DMBT1: variants seen among roughly 807,000 people sequenced by gnomAD.
The protein encoded by DMBT1 is deleted in malignant brain tumors 1, also known as scavenger receptor cysteine-rich domain-containing protein DMBT1.
In DMBT1, 198 loss-of-function variants were observed where a neutral mutation model predicts 252.9. The observed-to-expected ratio is 0.78, with a 90% CI of 0.70 to 0.88. The LOEUF is 0.88. Among genes scored for constraint, DMBT1 ranks in the 40% least tolerant of loss-of-function variants. The pLI, the probability that DMBT1 is intolerant of heterozygous loss-of-function variation, is 0.00. For synonymous variants in DMBT1, 990 were observed against 942.7 expected, an observed-to-expected ratio of 1.05 and a Z score of -0.92; for missense variants, 2,432 against 2,404.7, an observed-to-expected ratio of 1.01 and a Z score of -0.24.
rs111541582 is a variant in DMBT1 at position 122,561,569 on chromosome 10, C to CCTCTCTCTCT, written c.61+745_61+754dup. 3.3e-4 allele frequency among the ~76,000 whole-genome samples: 30 copies of CCTCTCTCTCT among 90,310 alleles called. 1 individual carries two copies. In the East Asian group the frequency reaches 3.6e-3, roughly 11 times the overall value. 59.2% of individuals were successfully genotyped at this position (90,310 alleles called of 152,430 possible). On this transcript the variant is annotated intron_variant, in intron 1 of 55. Coordinates refer to ENST00000338354, the MANE Select transcript of DMBT1 (RefSeq NM_001377530.1). ...TTGTCTCTCTCTTCCTGTCTCTCTG[C>CCTCTCTCTCT]CTCTCTCTCTCTCTCTTTCTCTCTT...
intron 18 of DMBT1, 138 bp downstream of exon 18, chr10:122,590,832 C>A: frequency 9.0e-7 from 1 of 1,113,750 alleles, no homozygotes; most frequent in Non-Finnish European, 1.3e-6. Flanking sequence ...TAACTGAGAC[C>A]CTAGCATGGA....
chr10:122,636,316 G>C (rs1226864309), intron 53 of DMBT1, 117 bp downstream of exon 53: 11 of 976,156 alleles, frequency 1.1e-5, no homozygotes, highest in Non-Finnish European at 1.7e-5. Context: ...GGTCACCAGG[G>C]CTTGATTTTC....
At chr10:122,618,399 T>A in intron 41 of DMBT1, 59 bp downstream of exon 41, 1 of 1,612,734 alleles carries the variant, frequency 6.2e-7, no homozygotes, top group South Asian at 1.1e-5. Context: ...AGGAAGAAAA[T>A]CCTAATTACA....
At chr10:122,618,936 G>A (rs765677674) in intron 41 of DMBT1, among the ~76,000 whole-genome samples, 8 of 152,242 alleles carry the variant, frequency 5.3e-5, no homozygotes, top group Non-Finnish European at 8.8e-5. Context: ...GTCTGGCCAG[G>A]CATGGCCTTG....
intron 20 of DMBT1, 111 bp downstream of exon 20, chr10:122,592,706 T>G: frequency 1.3e-6 from 2 of 1,513,200 alleles, no homozygotes; most frequent in Non-Finnish European, 1.8e-6. Flanking sequence ...GTTTCCTATA[T>G]TTATGTAGTC....
intron 6 of DMBT1, among the ~76,000 whole-genome samples, chr10:122,575,930 C>T (rs1342927459): frequency 6.6e-6 from 1 of 152,208 alleles, no homozygotes; most frequent in East Asian, 1.9e-4. Context: ...CTGACCCTAA[C>T]AATCCTGGCC....
At chr10:122,590,802 A>G in intron 18 of DMBT1, 108 bp downstream of exon 18, 1 of 1,371,664 alleles carries the variant, frequency 7.3e-7, no homozygotes, top group South Asian at 1.3e-5. Context: ...ACTGTGGGTC[A>G]TACTATTTTC....
Position 122,621,076 on chromosome 10 carries a change from T to C in DMBT1, c.5304T>C (p.Ala1768=), listed in dbSNP as rs142142713. 4.0e-4 allele frequency: 638 copies of C among 1,613,286 alleles called. 2 individuals carry two copies. In the African/African-American group the frequency reaches 6.7e-3, roughly 17 times the overall value. The part of the protein sequence containing the change: ...ALTVGSESSL[A]LRLVNGGDRC... ...CTGTAGGATCTGAATCCAGTTTGGCTCTGAGGCTGGTGAATGGAGGTGACA... is the reference window on the plus strand; with the variant it reads ...CTGTAGGATCTGAATCCAGTTTGGCCCTGAGGCTGGTGAATGGAGGTGACA... Residue 1768 remains alanine, a synonymous_variant, in exon 44 of 56, where the codon GCT becomes GCC. Coordinates refer to ENST00000338354, the MANE Select transcript of DMBT1 (RefSeq NM_001377530.1).
chr10:122,585,649 A>C (rs1399855560), intron 15 of DMBT1, among the ~76,000 whole-genome samples: 1 of 148,650 alleles, frequency 6.7e-6, no homozygotes, highest in African/African-American at 2.4e-5. Flanking sequence ...GAGTCAGTGA[A>C]AGTGAGTGTC....
Position 122,618,087 on chromosome 10 carries a change from A to G in DMBT1, c.4962A>G (p.Leu1654=), listed in dbSNP as rs1487026802. 2 of 1,613,866 alleles carry G rather than the reference A, an allele frequency of 1.2e-6. No homozygotes were observed. ...GGTGTCGAGGCCGAGTGGAGGTCCTATACCAAGGCTCCTGGGGCACCGTGT... is the reference window on the plus strand; with the variant it reads ...GGTGTCGAGGCCGAGTGGAGGTCCTGTACCAAGGCTCCTGGGGCACCGTGT... ...GDRCRGRVEV[L]YQGSWGTVCD... The change falls in exon 41 of 56, where the codon CTA becomes CTG. Residue 1654 remains leucine (L), a synonymous_variant. Coordinates refer to ENST00000338354, the MANE Select transcript of DMBT1 (RefSeq NM_001377530.1).
chr10:122,635,681 G>C (rs1169630996), intron 52 of DMBT1, among the ~76,000 whole-genome samples: 1 of 152,100 alleles, frequency 6.6e-6, no homozygotes, highest in Non-Finnish European at 1.5e-5. Context: ...CTCCTGAGTA[G>C]CCTCCCTCAC....
Position 122,570,976 on chromosome 10 carries a change from C to T in DMBT1, c.187+39C>T, listed in dbSNP as rs758452518. 1.0e-5 allele frequency: 16 copies of T among 1,595,288 alleles called. No homozygotes were observed. The East Asian group carries it at 1.6e-4, about 16-fold the overall frequency. ...TGGGGGATCCCTGTGGGCTCATTACCCCACTGCACCCCTAGGTTCATCTCT... is the reference window on the plus strand; with the variant it reads ...TGGGGGATCCCTGTGGGCTCATTACTCCACTGCACCCCTAGGTTCATCTCT... On this transcript the variant is annotated intron_variant, in intron 4 of 55. Coordinates refer to ENST00000338354, the MANE Select transcript of DMBT1 (RefSeq NM_001377530.1).
intron 42 of DMBT1, 97 bp from the exon 43 acceptor site, chr10:122,620,156 A>T: frequency 1.5e-6 from 2 of 1,304,336 alleles, no homozygotes; most frequent in Non-Finnish European, 1.1e-6. Context: ...CCAGAAATTG[A>T]ATAGTTTTCA....
intron 46 of DMBT1, among the ~76,000 whole-genome samples, chr10:122,628,177 C>CT (rs1364493164): frequency 6.6e-6 from 1 of 152,148 alleles, no homozygotes; most frequent in Non-Finnish European, 1.5e-5. Flanking sequence ...GGTATATACC[C>CT]AGGAGAAATG....
intron 27 of DMBT1, 85 bp from the exon 28 acceptor site, chr10:122,600,906 T>C: frequency 1.5e-6 from 1 of 655,044 alleles, no homozygotes; most frequent in East Asian, 2.7e-5. Flanking sequence ...TGTTGCCAGG[T>C]GGATTCCCCC....
At chr10:122,637,341 C>T (rs1566032533) in intron 54 of DMBT1, 29 bp downstream of exon 54, 1 of 1,566,324 alleles carries the variant, frequency 6.4e-7, no homozygotes, top group East Asian at 2.3e-5. Context: ...ATTCCATTTC[C>T]CAGTGCACAA....
Position 122,637,251 on chromosome 10 carries a change from A to G in DMBT1, c.6881A>G (p.Gln2294Arg). ...AATGGATACTACGAGTGTCGGCCCC[A>G]GATAACGCCGAACCTGGTGATATTC... ...TWNGYYECRPQITPNLVIFTI... is the reference protein window; with the variant it reads ...TWNGYYECRPRITPNLVIFTI... The change falls in exon 54 of 56, where the codon CAG becomes CGG. Residue 2294 changes from glutamine (Q) to arginine (R), a missense_variant. Coordinates refer to ENST00000338354, the MANE Select transcript of DMBT1 (RefSeq NM_001377530.1). 4 of 1,614,020 alleles carry G rather than the reference A, an allele frequency of 2.5e-6. No individual in the cohort carries two copies. Among genetic ancestry groups the G allele is most frequent in the Non-Finnish European group, 3.4e-6 (4 of 1,179,890 alleles).
chr10:122,601,036 C>T lies in DMBT1; in HGVS notation c.3343+13C>T, dbSNP rs1591428884. 2.2e-6 allele frequency: 2 copies of T among 899,626 alleles called. 1 individual carries two copies. Among genetic ancestry groups the T allele is most frequent in the South Asian group, 2.9e-5 (2 of 68,790 alleles). 55.7% of individuals were successfully genotyped at this position (899,626 alleles called of 1,614,324 possible). On this transcript the variant is annotated intron_variant, in intron 28 of 55. Coordinates refer to ENST00000338354, the MANE Select transcript of DMBT1 (RefSeq NM_001377530.1). ...GCATCAACAGCAGGTAAATAATCCTCTCACCCCTCCCTAGGGCTCACTGTC... is the reference window on the plus strand; with the variant it reads ...GCATCAACAGCAGGTAAATAATCCTTTCACCCCTCCCTAGGGCTCACTGTC...
chr10:122,561,957 C>T (rs2097550959), intron 1 of DMBT1, among the ~76,000 whole-genome samples: 1 of 149,496 alleles, frequency 6.7e-6, no homozygotes, highest in South Asian at 2.1e-4. Flanking sequence ...CACCTTTCCT[C>T]TCTCTCTCTA....
Sources: gnomAD v4.1 joint callset for allele counts (sites outside exome capture counted in the v4.1 genomes callset) on GRCh38, gnomAD v4.1.1 for gene constraint, MANE v1.5 for transcripts, NCBI Gene and HGNC (gene_info 2026-07-23, HGNC 2026-07-21) for gene names.